Variants in DLX4 observed in about 807,000 individuals in gnomAD.
DLX4 encodes homeobox protein DLX-4.
In DLX4, 13 loss-of-function variants were observed where a neutral mutation model predicts 17.1. The observed-to-expected ratio is 0.76, with a 90% CI of 0.49 to 1.21. The LOEUF is 1.21. DLX4 is among the 50% of genes most tolerant of loss of function. The pLI is 0.00. For missense variants in DLX4, 297 were observed against 301.4 expected, an observed-to-expected ratio of 0.99 and a Z score of 0.11; for synonymous variants, 129 against 140.3, an observed-to-expected ratio of 0.92 and a Z score of 0.57.
intron 2 of DLX4, 65 bp downstream of exon 2, chr17:49,973,334 G>C (rs1598148339): frequency 6.3e-7 from 1 of 1,575,622 alleles, no homozygotes; most frequent in African/African-American, 1.3e-5. Context: ...TCATCCCCCA[G>C]CCCCAGCTGT....
In DLX4 at chr17:49,969,452, C is replaced by A; in HGVS notation, c.-17C>A. The stretch of plus-strand genomic sequence containing the variant: ...TACGTGCCGGGCCATGGCCCTTCTG[C>A]CCGGGCCCTGGCCACAATGACCTCT... On this transcript the variant is annotated 5_prime_UTR_variant, in exon 1 of 3. Coordinates refer to ENST00000240306, the MANE Select transcript of DLX4 (RefSeq NM_138281.3). 6.5e-7 allele frequency: 1 copy of A among 1,528,174 alleles called. No homozygotes were observed. 94.7% of individuals were successfully genotyped at this position (1,528,174 alleles called of 1,614,324 possible). A position where few individuals can be genotyped will look rare whatever the true frequency, so the allele number is the denominator to read the frequency against.
rs1437999776 is a variant in DLX4 at position 49,969,287 on chromosome 17, T to C, written c.-182T>C. 3.0e-6 allele frequency: 2 copies of C among 665,930 alleles called. No homozygotes were observed. The highest frequency in any genetic ancestry group is 1.9e-5 in the African/African-American group (1 of 52,944). 41.3% of individuals were successfully genotyped at this position (665,930 alleles called of 1,614,324 possible). A position where few individuals can be genotyped will look rare whatever the true frequency, so the allele number is the denominator to read the frequency against. On this transcript the variant is annotated 5_prime_UTR_variant, in exon 1 of 3. Coordinates refer to ENST00000240306, the MANE Select transcript of DLX4 (RefSeq NM_138281.3). ...TGGGGGGCACCCCCCCGGAACCCCT[T>C]TCCCAGGCGCGCGTTCTCCGCTGAA... is the stretch of plus-strand genomic sequence containing the variant.
rs1011409884 is a variant in DLX4, at chr17:49,969,229, C to G, written c.-240C>G. ...ACCGAACCCGATGGAGAGGAGGGGG[C>G]CCCCATGGATTTAGGGGGGGAGGGG... On this transcript the variant is annotated 5_prime_UTR_variant, in exon 1 of 3. Transcript: ENST00000240306. 1.2e-5 allele frequency: 5 copies of G among 418,076 alleles called. No homozygotes were observed. Among genetic ancestry groups the G allele is most frequent in the African/African-American group, 2.1e-5 (1 of 47,442 alleles). 25.9% of individuals were successfully genotyped at this position (418,076 alleles called of 1,614,324 possible).
In DLX4 at chr17:49,969,494, C is replaced by T; in HGVS notation, c.26C>T (p.Pro9Leu). The change falls in exon 1 of 3, where the codon CCC becomes CTC. Residue 9 changes from proline (P) to leucine (L), a missense_variant. Transcript: ENST00000240306. Reference sequence around the variant, plus strand: ...ATGACCTCTTTGCCCTGCCCCCTCCCCGGCCGGGACGCCTCCAAAGCTGTC... The same window carrying T: ...ATGACCTCTTTGCCCTGCCCCCTCCTCGGCCGGGACGCCTCCAAAGCTGTC... The part of the protein sequence containing the change: MTSLPCPL[P>L]GRDASKAVFP... The T allele has an allele frequency of 6.2e-7, 1 of 1,602,050 alleles. No individual in the cohort carries two copies. Among genetic ancestry groups the T allele is most frequent in the Non-Finnish European group, 8.5e-7 (1 of 1,176,088 alleles).
At position 49,972,861 on chromosome 17, in the gene DLX4, C is replaced by A; in HGVS notation, c.284-212C>A. On this transcript the variant is annotated intron_variant, in intron 1 of 2. Coordinates refer to ENST00000240306, the MANE Select transcript of DLX4 (RefSeq NM_138281.3). The surrounding 1 kb of genome is among the most constrained non-coding windows in gnomAD (Gnocchi z 5.4). The stretch of plus-strand genomic sequence containing the variant: ...TGGGAGCTCCCTGGGAGCAGAACTG[C>A]GTCTTGTATCACCTGGCGCGGTGAA... The A allele has an allele frequency of 2.1e-6, 3 of 1,443,234 alleles. No homozygotes were observed. Among genetic ancestry groups the A allele is most frequent in the Admixed American group, 5.8e-5 (2 of 34,562 alleles). The allele number at this position is 1,443,234 out of a possible 1,614,324, so 89.4% of individuals were successfully genotyped here.
Position 49,969,737 on chromosome 17 carries a change from A to T in DLX4, c.269A>T (p.Gln90Leu). Residue 90 changes from glutamine to leucine, a missense_variant, in exon 1 of 3, where the codon CAG (glutamine) becomes CTG (leucine). Physicochemically the swap from Gln to Leu is moderately radical, Grantham distance 113. Transcript: ENST00000240306. Reference protein sequence around the residue: ...QPLCGPAEHPQELEADSEKPR... With the variant: ...QPLCGPAEHPLELEADSEKPR... ...CTCTGCGGACCTGCAGAGCACCCTC[A>T]GGAACTCGAGGCAGGTAAGTTCGGC... 1 of 1,595,484 alleles carries T rather than the reference A, an allele frequency of 6.3e-7. No homozygotes were observed. Among genetic ancestry groups the T allele is most frequent in the Non-Finnish European group, 8.5e-7 (1 of 1,177,324 alleles).
intron 2 of DLX4, 196 bp downstream of exon 2, chr17:49,973,465 G>A: frequency 9.8e-7 from 1 of 1,015,634 alleles, no homozygotes; most frequent in Non-Finnish European, 1.4e-6. Context: ...TGTGCGGGTG[G>A]GGTGGAGTGG....
rs775976879 is a variant in DLX4, at chr17:49,969,556, G to A, written c.88G>A (p.Ala30Thr). 8.1e-6 allele frequency: 13 copies of A among 1,613,232 alleles called. No individual in the cohort carries two copies. Among genetic ancestry groups the A allele is most frequent in the Non-Finnish European group, 1.1e-5 (13 of 1,179,964 alleles). ...DLAPVPSVAAAYPLGLSPTTA... is the reference protein window; with the variant it reads ...DLAPVPSVAATYPLGLSPTTA... ...CGCCCCTGTCCCGTCGGTAGCGGCT[G>A]CCTACCCGCTTGGCTTGTCCCCTAC... is the stretch of plus-strand genomic sequence containing the variant. The change falls in exon 1 of 3, where the codon GCC becomes ACC. Residue 30 changes from alanine to threonine, a missense_variant. Ala to Thr is a moderately conservative substitution (Grantham distance 58, BLOSUM62 0). Transcript: ENST00000240306.
chr17:49,970,516 C>T (rs760122389), intron 1 of DLX4, among the ~76,000 whole-genome samples: 6 of 152,244 alleles, frequency 3.9e-5, no homozygotes, highest in Non-Finnish European at 5.9e-5. Flanking sequence ...CCTGGAGCAA[C>T]TCTGAGCTCC....
chr17:49,973,466 G>A (rs887714053), intron 2 of DLX4, 197 bp downstream of exon 2: 2 of 1,020,858 alleles, frequency 2.0e-6, no homozygotes, highest in South Asian at 1.5e-5. Context: ...GTGCGGGTGG[G>A]GTGGAGTGGG....
At position 49,972,681 on chromosome 17, in the gene DLX4, C is replaced by T; in HGVS notation, c.284-392C>T. The T allele has an allele frequency of 8.5e-7, 1 of 1,178,552 alleles. No individual in the cohort carries two copies. Among genetic ancestry groups the T allele is most frequent in the Non-Finnish European group, 1.1e-6 (1 of 938,804 alleles). 73.0% of individuals were successfully genotyped at this position (1,178,552 alleles called of 1,614,324 possible). A position where few individuals can be genotyped will look rare whatever the true frequency, so the allele number is the denominator to read the frequency against. Reference sequence around the variant, plus strand: ...ATGTCCTTCCTCTGTCATCTCTAGGCCTCGGCTCAGCCCTGGACCTAGCCT... The same window carrying T: ...ATGTCCTTCCTCTGTCATCTCTAGGTCTCGGCTCAGCCCTGGACCTAGCCT... On this transcript the variant is annotated intron_variant, in intron 1 of 2. Coordinates refer to ENST00000240306, the MANE Select transcript of DLX4 (RefSeq NM_138281.3). This position sits in a 1 kb window ranked among gnomAD's most constrained non-coding sequence, Gnocchi z 5.4.
At position 49,974,012 on chromosome 17, in the gene DLX4, C is replaced by CAGCCCAGGA; in HGVS notation, c.*69_*70insAGCCCAGGA. ...CCAGGACCCAGGCAGTCCACCTGCA[C>CAGCCCAGGA]CCCTTCTGGGCTGGGAGGAAACCAG... is the stretch of plus-strand genomic sequence containing the variant. On this transcript the variant is annotated 3_prime_UTR_variant, in exon 3 of 3. Coordinates refer to ENST00000240306, the MANE Select transcript of DLX4 (RefSeq NM_138281.3). 24 of 1,495,536 alleles carry CAGCCCAGGA rather than the reference C, an allele frequency of 1.6e-5. No individual in the cohort carries two copies. The African/African-American group carries it at 2.3e-4, about 14-fold the overall frequency. The allele number at this position is 1,495,536 out of a possible 1,614,324, so 92.6% of individuals were successfully genotyped here. A position where few individuals can be genotyped will look rare whatever the true frequency, so the allele number is the denominator to read the frequency against.
chr17:49,969,488 C>T lies in DLX4; in HGVS notation c.20C>T (p.Pro7Leu). The T allele has an allele frequency of 6.3e-7, 1 of 1,597,210 alleles. No individual in the cohort carries two copies. The change falls in exon 1 of 3, where the codon CCC becomes CTC. Residue 7 changes from proline to leucine, a missense_variant. Pro to Leu is a moderately conservative substitution (Grantham distance 98). Transcript: ENST00000240306. ...GCCACAATGACCTCTTTGCCCTGCC[C>T]CCTCCCCGGCCGGGACGCCTCCAAA... MTSLPCPLPGRDASKAV... is the reference protein window; with the variant it reads MTSLPCLLPGRDASKAV...
intron 1 of DLX4, 95 bp downstream of exon 1, chr17:49,969,846 A>G: frequency 1.3e-6 from 1 of 785,370 alleles, no homozygotes; most frequent in Non-Finnish European, 1.6e-6. Context: ...AGCTAGCGGG[A>G]TTCAAACCTT....
intron 1 of DLX4, among the ~76,000 whole-genome samples, chr17:49,970,008 C>A (rs1164975574): frequency 6.6e-6 from 1 of 152,146 alleles, no homozygotes; most frequent in Non-Finnish European, 1.5e-5. Flanking sequence ...GAGAGGGCCC[C>A]CCCAACCCCC....
intron 1 of DLX4, among the ~76,000 whole-genome samples, chr17:49,971,695 G>T (rs1905511806): frequency 6.6e-6 from 1 of 151,998 alleles, no homozygotes; most frequent in African/African-American, 2.4e-5. Context: ...TGGGCTCTGG[G>T]CTGCCAGCCC....
Position 49,972,854 on chromosome 17 carries a change from A to T in DLX4, c.284-219A>T, listed in dbSNP as rs1905556879. ...ATACGAGTGGGAGCTCCCTGGGAGC[A>T]GAACTGCGTCTTGTATCACCTGGCG... On this transcript the variant is annotated intron_variant, in intron 1 of 2. Coordinates refer to ENST00000240306, the MANE Select transcript of DLX4 (RefSeq NM_138281.3). This position sits in a 1 kb window ranked among gnomAD's most constrained non-coding sequence, Gnocchi z 5.4. The T allele has an allele frequency of 1.4e-6, 2 of 1,436,652 alleles. No homozygotes were observed. The highest frequency in any genetic ancestry group is 1.8e-6 in the Non-Finnish European group (2 of 1,092,638). 89.0% of individuals were successfully genotyped at this position (1,436,652 alleles called of 1,614,324 possible).
At position 49,973,129 on chromosome 17, in the gene DLX4, G is replaced by A. The variant is rs780722446; in HGVS notation, c.340G>A (p.Ala114Thr). 7.4e-6 allele frequency: 12 copies of A among 1,613,912 alleles called. No homozygotes were observed. In the South Asian group the frequency reaches 9.9e-5, roughly 13 times the overall value. The change falls in exon 2 of 3, where the codon GCC (alanine) becomes ACC (threonine). Residue 114 changes from alanine to threonine, a missense_variant. By Grantham distance (58) the Ala-to-Thr change is moderately conservative. Coordinates refer to ENST00000240306, the MANE Select transcript of DLX4 (RefSeq NM_138281.3). ...EPSERRPQAPAKKLRKPRTIY... is the reference protein window; with the variant it reads ...EPSERRPQAPTKKLRKPRTIY... ...CTCCGAGCGGCGCCCTCAGGCCCCC[G>A]CCAAAAAGCTCCGCAAGCCGAGGAC... is the stretch of plus-strand genomic sequence containing the variant.
In DLX4 at chr17:49,974,604, C is replaced by T. The variant is rs1424922680; in HGVS notation, c.*661C>T. 7.5e-6 allele frequency: 1 copy of T among 133,196 alleles called. No homozygotes were observed. The highest frequency in any genetic ancestry group is 2.3e-4 in the East Asian group (1 of 4,296). The allele number at this position is 133,196 out of a possible 1,614,324, so 8.3% of individuals were successfully genotyped here. Reference sequence around the variant, plus strand: ...TCCTCCTAAAAAAAAAAAAAAAGCCCTCTTTCCCACCCCCTCCCCATCTCC... The same window carrying T: ...TCCTCCTAAAAAAAAAAAAAAAGCCTTCTTTCCCACCCCCTCCCCATCTCC... On this transcript the variant is annotated 3_prime_UTR_variant, in exon 3 of 3. Coordinates refer to ENST00000240306, the MANE Select transcript of DLX4 (RefSeq NM_138281.3).
Sources: gnomAD v4.1 joint callset for allele counts (sites outside exome capture counted in the v4.1 genomes callset) on GRCh38, gnomAD v4.1.1 for gene constraint, Gnocchi (gnomAD v3.1) non-coding constraint, MANE v1.5 for transcripts, NCBI Gene and HGNC (gene_info 2026-07-23, HGNC 2026-07-21) for gene names.